Variants in FN1 observed in about 807,000 individuals in gnomAD.
FN1 encodes fibronectin.
Under a neutral mutation model 297.3 loss-of-function variants are expected in FN1, and 106 were observed. The observed-to-expected ratio is 0.36, with a 90% CI of 0.30 to 0.42. The LOEUF (loss-of-function observed/expected upper bound fraction) is 0.42, where lower values mean the gene tolerates loss of function less well. Ranked by LOEUF, FN1 falls within the 10% of genes least tolerant of loss-of-function variation. The probability of loss-of-function intolerance (pLI) is 1.00; values close to 1 mark genes in which losing one functional copy is unlikely to be tolerated. For missense variants in FN1, 2,690 were observed against 3,124.9 expected (o/e 0.86, Z 3.32); for synonymous variants, 1,149 against 1,152.6 (o/e 1.00, Z 0.06).
At chr2:215,424,869 T>A (rs2065059883) in intron 7 of FN1, among the ~76,000 whole-genome samples, 1 of 152,182 alleles carries the variant, frequency 6.6e-6, no homozygotes, top group Non-Finnish European at 1.5e-5. Flanking sequence ...TTTAGACAGA[T>A]AAATACAATA....
intron 29 of FN1, 97 bp downstream of exon 29, chr2:215,384,763 A>G: frequency 2.3e-6 from 2 of 885,976 alleles, no homozygotes; most frequent in South Asian, 1.4e-5. Flanking sequence ...TGGACTTGCC[A>G]AAGTTTCTTT....
chr2:215,377,081 AG>A (rs2057413208), intron 35 of FN1, among the ~76,000 whole-genome samples: 4 of 147,340 alleles, frequency 2.7e-5, no homozygotes, highest in Non-Finnish European at 6.0e-5. Context: ...AGAGAGAGAG[AG>A]TGTGTGTGTG....
chr2:215,380,726 C>CTATT, intron 33 of FN1, 85 bp downstream of exon 33: 1 of 1,455,960 alleles, frequency 6.9e-7, no homozygotes, highest in East Asian at 2.3e-5. Flanking sequence ...ACACGGGAAT[C>CTATT]AATAGCCCAG....
In FN1 at chr2:215,384,133, G is replaced by A. The variant is rs1264838385; in HGVS notation, c.4781C>T (p.Ala1594Val). The change falls in exon 30 of 46, where the codon GCT (alanine) becomes GTT (valine). Residue 1594 changes from alanine (A) to valine (V), a missense_variant. Physicochemically the swap from Ala to Val is moderately conservative, Grantham distance 64. Transcript: ENST00000354785. ...TCCAGGTTTAAGGCCGCTGATGGTA[G>A]CTGTAGACTTGCTCCCAGGCACAGT... ...EFTVPGSKST[A>V]TISGLKPGVD... 1.9e-6 allele frequency: 3 copies of A among 1,614,134 alleles called. No individual in the cohort carries two copies. Among genetic ancestry groups the A allele is most frequent in the South Asian group, 1.1e-5 (1 of 91,076 alleles).
chr2:215,384,251 G>A (rs2058611031), intron 29 of FN1, 67 bp from the exon 30 acceptor site: 1 of 1,423,058 alleles, frequency 7.0e-7, no homozygotes, highest in Admixed American at 1.7e-5. Context: ...CTGATTAATT[G>A]AATTACCACA....
intron 13 of FN1, 94 bp downstream of exon 13, chr2:215,414,743 G>A: frequency 6.3e-7 from 1 of 1,576,306 alleles, no homozygotes; most frequent in African/African-American, 1.3e-5. Flanking sequence ...TAGTTAATCA[G>A]AGTTGTTGGC....
At position 215,365,104 on chromosome 2, in the gene FN1, T is replaced by C. The variant is rs2054268013; in HGVS notation, c.7145-119A>G. 3 of 736,364 alleles carry C rather than the reference T, an allele frequency of 4.1e-6. No homozygotes were observed. In the South Asian group the frequency reaches 4.4e-5, roughly 11 times the overall value. 45.6% of individuals were successfully genotyped at this position (736,364 alleles called of 1,614,324 possible). The stretch of plus-strand genomic sequence containing the variant: ...ATCATCACAGCGCAAACACCACATA[T>C]TTATGTGAATCATCCCTAAGAGCAG... On this transcript the variant is annotated intron_variant, in intron 43 of 45. Coordinates refer to ENST00000354785, the MANE Select transcript of FN1 (RefSeq NM_212482.4).
At chr2:215,405,341 T>C (rs568063486) in intron 19 of FN1, among the ~76,000 whole-genome samples, 2 of 152,236 alleles carry the variant, frequency 1.3e-5, no homozygotes, top group Non-Finnish European at 2.9e-5. Context: ...AGCATGGGCT[T>C]CGGACATAGG....
At chr2:215,381,251 A>G (rs2058164793) in intron 32 of FN1, 171 bp from the exon 33 acceptor site, 1 of 677,806 alleles carries the variant, frequency 1.5e-6, no homozygotes, top group Non-Finnish European at 2.6e-6. Context: ...CTTGGTTTAG[A>G]AAATATGCAA....
Position 215,383,362 on chromosome 2 carries a change from T to C in FN1, c.5016A>G (p.Gly1672=), listed in dbSNP as rs1247513306. ...GYRVTTTPKN[G]PGPTKTKTAG... is the part of the protein sequence containing the mutation. ...CAGTTTTAGTTTTTGTTGGTCCTGG[T>C]CCATTTTTGGGAGTGGTGGTTACTC... Residue 1672 remains glycine (G), a synonymous_variant, in exon 31 of 46, where the codon GGA becomes GGG. Coordinates refer to ENST00000354785, the MANE Select transcript of FN1 (RefSeq NM_212482.4). 1.9e-6 allele frequency: 3 copies of C among 1,614,122 alleles called. No individual in the cohort carries two copies. The South Asian group carries it at 3.3e-5, about 18-fold the overall frequency.
chr2:215,389,036 A>G (rs905502706), intron 26 of FN1, among the ~76,000 whole-genome samples: 4 of 133,288 alleles, frequency 3.0e-5, no homozygotes, highest in Admixed American at 2.3e-4. Flanking sequence ...CCATATTAAA[A>G]TGAGAGCAGA....
intron 39 of FN1, among the ~76,000 whole-genome samples, chr2:215,373,019 TATA>T (rs2056545394): frequency 1.3e-5 from 2 of 152,158 alleles, no homozygotes; most frequent in African/African-American, 2.4e-5. Flanking sequence ...CAACAGAAGG[TATA>T]AAAGAAGAGC....
intron 20 of FN1, among the ~76,000 whole-genome samples, chr2:215,401,244 AAGAAAGG>A (rs755699502): frequency 0.038 from 2,279 of 60,110 alleles, 78 homozygotes; most frequent in Non-Finnish European, 0.048. Context: ...GAAAGAAAGA[AAGAAAGG>A]AAGAAAGAAA....
intron 12 of FN1, among the ~76,000 whole-genome samples, chr2:215,418,791 T>C (rs962261297): frequency 6.6e-6 from 1 of 152,186 alleles, no homozygotes; most frequent in Non-Finnish European, 1.5e-5. Context: ...AATGAAAAGT[T>C]TGATGCAAAG....
At chr2:215,406,000 A>AC (rs1243007397) in intron 19 of FN1, among the ~76,000 whole-genome samples, 2 of 152,104 alleles carry the variant, frequency 1.3e-5, no homozygotes, top group Non-Finnish European at 2.9e-5. Context: ...CCCTCTTAGT[A>AC]CCCTTCAGCT....
intron 6 of FN1, among the ~76,000 whole-genome samples, chr2:215,427,475 C>T (rs1047771797): frequency 2.0e-5 from 3 of 152,052 alleles, no homozygotes; most frequent in East Asian, 1.9e-4. Flanking sequence ...ACATTTATGA[C>T]GTAAAAATCT....
At chr2:215,383,907 G>A (rs899936713) in intron 30 of FN1, 113 bp downstream of exon 30, 16 of 1,204,434 alleles carry the variant, frequency 1.3e-5, no homozygotes, top group Non-Finnish European at 1.9e-5. Context: ...GCAGGTTGTT[G>A]CTCATTAAAA....
chr2:215,420,369 A>C (rs1178132333), intron 11 of FN1, among the ~76,000 whole-genome samples: 3 of 80,638 alleles, frequency 3.7e-5, no homozygotes, highest in African/African-American at 7.7e-5. Context: ...AAAAACAAAC[A>C]AAAAAAAAAG....
At chr2:215,392,188 T>C in intron 25 of FN1, 1 of 245,510 alleles carries the variant, frequency 4.1e-6, no homozygotes, top group South Asian at 5.1e-5. Flanking sequence ...AAGAAATACA[T>C]GCACACAGAC....
Sources: allele counts gnomAD v4.1 joint callset (sites outside exome capture counted in the v4.1 genomes callset), GRCh38; gene constraint gnomAD v4.1.1; transcripts MANE v1.5; gene names NCBI Gene and HGNC (gene_info 2026-07-23, HGNC 2026-07-21).